Variants in DNAH9 observed in about 807,000 individuals in gnomAD.
DNAH9 encodes DNAH9 variant protein.
A neutral mutation model predicts 471.6 loss-of-function variants in DNAH9; 345 were observed. That is an observed-to-expected ratio of 0.73 (90% CI 0.67 to 0.80). The LOEUF is 0.80. Among genes scored for constraint, DNAH9 ranks in the 30% least tolerant of loss-of-function variants. The pLI, the probability that DNAH9 is intolerant of heterozygous loss-of-function variation, is 0.00. For missense variants in DNAH9, 5,407 were observed against 5,609.2 expected (o/e 0.96, Z 1.15); for synonymous variants, 2,093 against 2,123.6 (o/e 0.99, Z 0.40).
intron 42 of DNAH9, among the ~76,000 whole-genome samples, chr17:11,796,226 C>T (rs1362066226): frequency 6.6e-6 from 1 of 152,212 alleles, no homozygotes; most frequent in Non-Finnish European, 1.5e-5. Flanking sequence ...ATTCCCAGGA[C>T]ATTAGCCCAT....
At position 11,881,381 on chromosome 17, in the gene DNAH9, A is replaced by G. The variant is rs752012155; in HGVS notation, c.10774A>G (p.Ser3592Gly). Reference protein sequence around the residue: ...LEDQLLAAVVSMERPDLEQLK... With the variant: ...LEDQLLAAVVGMERPDLEQLK... ...GGACCAGTTGCTGGCCGCTGTGGTC[A>G]GCATGGAGAGGCCAGACTTGGAGCA... The change falls in exon 55 of 69, where the codon AGC (serine) becomes GGC (glycine). Residue 3592 changes from serine (S) to glycine (G), a missense_variant. This residue lies in a region of DNAH9 where 4,636 missense variants were observed against 4,900.3 expected (regional missense o/e 0.95). Transcript: ENST00000262442. 6.2e-7 allele frequency: 1 copy of G among 1,613,542 alleles called. No homozygotes were observed.
intron 43 of DNAH9, among the ~76,000 whole-genome samples, chr17:11,799,009 A>T (rs1253360921): frequency 6.6e-6 from 1 of 151,882 alleles, no homozygotes; most frequent in Non-Finnish European, 1.5e-5. Context: ...ACTCCCCATC[A>T]TCCGCTAATG....
In DNAH9 at chr17:11,797,717, G is replaced by C. The variant is rs1489208025; in HGVS notation, c.8344G>C (p.Val2782Leu). The C allele has an allele frequency of 9.9e-6, 16 of 1,614,108 alleles. No homozygotes were observed. The highest frequency in any genetic ancestry group is 5.0e-5 in the Admixed American group (3 of 60,004). ...QSWELLTQTL[V>L]EALENHNEVN... ...TTGGGAACTTTTGACCCAGACTCTG[G>C]TGGAGGCCTTGGAGAACCACAATGA... Residue 2782 changes from valine to leucine, a missense_variant, in exon 43 of 69, where the codon GTG becomes CTG. By Grantham distance (32) the Val-to-Leu change is conservative. This residue lies in a region of DNAH9 where 4,636 missense variants were observed against 4,900.3 expected (regional missense o/e 0.95). Transcript: ENST00000262442.
Position 11,689,994 on chromosome 17 carries a change from A to C in DNAH9, c.4172A>C (p.Gln1391Pro). 6.2e-7 allele frequency: 1 copy of C among 1,614,102 alleles called. No homozygotes were observed. Among genetic ancestry groups the C allele is most frequent in the South Asian group, 1.1e-5 (1 of 91,066 alleles). Reference sequence around the variant, plus strand: ...GAGCGGCACTGGAGGCAGCTGATGCAGGCCACCGGTGTGAGCTTCACTATG... The same window carrying C: ...GAGCGGCACTGGAGGCAGCTGATGCCGGCCACCGGTGTGAGCTTCACTATG... ...IRERHWRQLM[Q>P]ATGVSFTMDQ... is the part of the protein sequence containing the mutation. The change falls in exon 20 of 69, where the codon CAG becomes CCG. Residue 1391 changes from glutamine to proline, a missense_variant. This residue lies in a region of DNAH9 where 4,636 missense variants were observed against 4,900.3 expected (regional missense o/e 0.95). Coordinates refer to ENST00000262442, the MANE Select transcript of DNAH9 (RefSeq NM_001372.4).
chr17:11,721,620 G>A (rs1318116387), intron 27 of DNAH9, among the ~76,000 whole-genome samples: 1 of 150,622 alleles, frequency 6.6e-6, no homozygotes, highest in Non-Finnish European at 1.5e-5. Flanking sequence ...GGAGAGAGAG[G>A]GAGAGAGAGA....
chr17:11,834,979 C>T, intron 49 of DNAH9, 81 bp downstream of exon 49: 1 of 1,524,920 alleles, frequency 6.6e-7, no homozygotes, highest in Non-Finnish European at 8.8e-7. Flanking sequence ...CCAAGAGATG[C>T]AAGGACAATG....
intron 1 of DNAH9, among the ~76,000 whole-genome samples, chr17:11,606,078 T>G (rs2072498005): frequency 6.6e-6 from 1 of 152,206 alleles, no homozygotes; most frequent in Non-Finnish European, 1.5e-5. Flanking sequence ...CAAATGGTTC[T>G]TTCTTAACAT....
At chr17:11,744,428 T>C (rs2075483956) in intron 30 of DNAH9, among the ~76,000 whole-genome samples, 1 of 152,170 alleles carries the variant, frequency 6.6e-6, no homozygotes, top group South Asian at 2.1e-4. Context: ...AGGTGGCACA[T>C]GTAAGCTCAG....
Position 11,963,659 on chromosome 17 carries a change from AT to A in DNAH9, c.13233+1411del, listed in dbSNP as rs35717040. Among the ~76,000 whole-genome samples, 1,368 of 151,856 alleles carry A rather than the reference AT, an allele frequency of 9.0e-3. 25 individuals carry two copies. Among genetic ancestry groups the A allele is most frequent in the African/African-American group, 0.032 (1,314 of 41,394 alleles). Reference sequence around the variant, plus strand: ...GTATCCCCTGTATCTAAGAGTTGAAATTTTTTTTAAAAAAAAGAAACTAAAA... The same window carrying A: ...GTATCCCCTGTATCTAAGAGTTGAAATTTTTTTAAAAAAAAGAAACTAAAA... On this transcript the variant is annotated intron_variant, in intron 68 of 68. Coordinates refer to ENST00000262442, the MANE Select transcript of DNAH9 (RefSeq NM_001372.4).
At chr17:11,614,987 A>G (rs527491378) in intron 4 of DNAH9, among the ~76,000 whole-genome samples, 42 of 152,282 alleles carry the variant, frequency 2.8e-4, no homozygotes, top group Admixed American at 4.6e-4. Flanking sequence ...TACGTGTGTG[A>G]AAGAAGGCAC....
At chr17:11,701,037 C>A (rs1486454764) in intron 23 of DNAH9, 85 bp from the exon 24 acceptor site, 13 of 1,443,898 alleles carry the variant, frequency 9.0e-6, no homozygotes, top group Non-Finnish European at 9.6e-6. Flanking sequence ...CTTTCCTTCA[C>A]TCCCTCAGAC....
intron 9 of DNAH9, among the ~76,000 whole-genome samples, chr17:11,637,747 A>G (rs2073190503): frequency 6.6e-6 from 1 of 151,038 alleles, no homozygotes; most frequent in East Asian, 1.9e-4. Context: ...ATAAATTATG[A>G]ACTTCTTATT....
chr17:11,721,601 A>T lies in DNAH9; in HGVS notation c.5709+2111A>T, dbSNP rs1944640923. 3.3e-5 allele frequency among the ~76,000 whole-genome samples: 5 copies of T among 152,062 alleles called. No individual in the cohort carries two copies. The South Asian group carries it at 8.3e-4, about 25-fold the overall frequency. ...GCATTGTGCAGGATGCCAAAAACAG[A>T]TCATATGGGGAGAGAGAGGGAGAGA... On this transcript the variant is annotated intron_variant, in intron 27 of 68. Transcript: ENST00000262442.
rs1300780171 is a variant in DNAH9 at position 11,669,044 on chromosome 17, T to A, written c.2732-20T>A. 6.4e-7 allele frequency: 1 copy of A among 1,569,608 alleles called. No individual in the cohort carries two copies. The highest frequency in any genetic ancestry group is 1.1e-5 in the South Asian group (1 of 87,478). ...TTTATCCACTCTTTGTTTTGTTTGC[T>A]TGTTTTCTGTGTTTTTCAGAGTGTA... On this transcript the variant is annotated intron_variant, in intron 15 of 68. Coordinates refer to ENST00000262442, the MANE Select transcript of DNAH9 (RefSeq NM_001372.4).
intron 32 of DNAH9, among the ~76,000 whole-genome samples, chr17:11,750,384 A>G (rs1053247367): frequency 6.6e-6 from 1 of 152,204 alleles, no homozygotes; most frequent in Non-Finnish European, 1.5e-5. Flanking sequence ...TCCAGTAAAC[A>G]GAAAAATAAG....
chr17:11,803,399 T>TGTGTGC (rs1316018386), intron 43 of DNAH9, among the ~76,000 whole-genome samples: 1 of 151,666 alleles, frequency 6.6e-6, no homozygotes, highest in African/African-American at 2.4e-5. Context: ...TGTGTGTGTG[T>TGTGTGC]GCGCTCGCAC....
At chr17:11,853,546 C>T (rs1410249417) in intron 49 of DNAH9, among the ~76,000 whole-genome samples, 1 of 151,952 alleles carries the variant, frequency 6.6e-6, no homozygotes, top group Non-Finnish European at 1.5e-5. Context: ...TCAGGACAGT[C>T]AAGTGTAGTT....
intron 43 of DNAH9, among the ~76,000 whole-genome samples, chr17:11,798,125 C>A (rs572953518): frequency 1.2e-3 from 185 of 152,022 alleles, no homozygotes; most frequent in Middle Eastern, 3.4e-3. Flanking sequence ...TGTTATTAGT[C>A]CAAGGGCCAT....
intron 61 of DNAH9, among the ~76,000 whole-genome samples, chr17:11,918,276 C>T (rs958187528): frequency 1.3e-5 from 2 of 151,854 alleles, no homozygotes; most frequent in African/African-American, 2.4e-5. Flanking sequence ...GTGTTGCCCA[C>T]GCTGGAGTGC....
Sources: allele counts gnomAD v4.1 joint callset (sites outside exome capture counted in the v4.1 genomes callset), GRCh38; gene constraint gnomAD v4.1.1; regional missense constraint gnomAD v4.1.1; transcripts MANE v1.5; gene names NCBI Gene and HGNC (gene_info 2026-07-23, HGNC 2026-07-21).